The following ZNF91 variants were observed in gnomAD, a reference collection of about 807,000 sequenced individuals.
ZNF91 encodes zinc finger protein 91, also known as zinc finger protein 91 (HPF7, HTF10).
A neutral mutation model predicts 12.6 loss-of-function variants in ZNF91; 7 were observed. The ratio of observed to expected loss-of-function variants is 0.55; its 90% CI spans 0.31 to 1.04. ZNF91 has a LOEUF of 1.04. ZNF91 is among the 50% of genes least tolerant of loss of function. ZNF91 has a pLI of 0.05. For synonymous variants in ZNF91, 453 were observed against 462.6 expected, an observed-to-expected ratio of 0.98 and a Z score of 0.27; for missense variants, 1,217 against 1,385.4, an observed-to-expected ratio of 0.88 and a Z score of 1.93.
downstream of ZNF91, among the ~76,000 whole-genome samples, chr19:23,337,678 T>C (rs1265321524): frequency 1.3e-5 from 2 of 151,852 alleles, no homozygotes; most frequent in Admixed American, 1.3e-4. Flanking sequence ...TAAAATACTT[T>C]AAAAAGACTT....
At position 23,359,368 on chromosome 19, in the gene ZNF91, G is replaced by T; in HGVS notation, c.*35C>A. 1.4e-6 allele frequency: 1 copy of T among 718,688 alleles called. No homozygotes were observed. 44.5% of individuals were successfully genotyped at this position (718,688 alleles called of 1,614,324 possible). On this transcript the variant is annotated 3_prime_UTR_variant, in exon 4 of 4. Coordinates refer to ENST00000300619, the MANE Select transcript of ZNF91 (RefSeq NM_003430.4). ...CTCTCGCATAGCTGGGACTACAGGC[G>T]CCCGCCACCACGCCCGGCTAATTTT...
chr19:23,387,180 T>C (rs532426199), intron 1 of ZNF91, among the ~76,000 whole-genome samples: 6 of 152,368 alleles, frequency 3.9e-5, no homozygotes, highest in South Asian at 2.1e-4. Flanking sequence ...GGAATACTTA[T>C]ACATTGCTGT....
intron 3 of ZNF91, among the ~76,000 whole-genome samples, chr19:23,346,271 G>A (rs1001879337): frequency 2.6e-5 from 4 of 151,908 alleles, no homozygotes; most frequent in Admixed American, 6.6e-5. Flanking sequence ...CCCAGAAGAC[G>A]AGGACCGTAT....
At chr19:23,385,627 G>A (rs1001561495) in intron 1 of ZNF91, among the ~76,000 whole-genome samples, 1 of 152,146 alleles carries the variant, frequency 6.6e-6, no homozygotes, top group African/African-American at 2.4e-5. Flanking sequence ...GGCTGGACGT[G>A]TCACATTAGA....
At position 23,317,115 on chromosome 19, in the gene ZNF91, G is replaced by T. The variant is rs556048842; in HGVS notation, n.117-8018C>A. ...GGCTGGAGTGCAGTGGCGCGATCTT[G>T]GCTCACTGCAAGCTCCGCCTCCCGG... On this transcript the variant is annotated intron_variant and non_coding_transcript_variant, in intron 1 of 1. Transcript: ENST00000596528. Among the ~76,000 whole-genome samples the T allele has an allele frequency of 6.6e-5, 10 of 151,660 alleles. No individual in the cohort carries two copies. In the East Asian group the frequency reaches 1.9e-3, roughly 30 times the overall value.
At chr19:23,366,773 AAGGACTCTGC>A (rs1342204637) in intron 3 of ZNF91, among the ~76,000 whole-genome samples, 2 of 152,242 alleles carry the variant, frequency 1.3e-5, no homozygotes, top group East Asian at 3.8e-4. Flanking sequence ...AACTATTCAT[AAGGACTCTGC>A]CCCATGACCC....
chr19:23,371,913 G>A (rs1969292906), intron 3 of ZNF91, among the ~76,000 whole-genome samples: 1 of 152,110 alleles, frequency 6.6e-6, no homozygotes, highest in Non-Finnish European at 1.5e-5. Flanking sequence ...TAAAATTACT[G>A]TAATTCAAGT....
chr19:23,305,956 AG>A (rs1300450501), intron 3 of ZNF91, among the ~76,000 whole-genome samples: 1 of 152,248 alleles, frequency 6.6e-6, no homozygotes, highest in Non-Finnish European at 1.5e-5. Context: ...GAGCCAGAGA[AG>A]AGAAATAATT....
In ZNF91 at chr19:23,360,410, C is replaced by T. The variant is rs1568383315; in HGVS notation, c.2569G>A (p.Glu857Lys). 6 of 1,613,880 alleles carry T rather than the reference C, an allele frequency of 3.7e-6. No individual in the cohort carries two copies. Among genetic ancestry groups the T allele is most frequent in the African/African-American group, 1.3e-5 (1 of 74,904 alleles). ...TGATTAAAAGCTTTGCCACATTCCT[C>T]ACATTTGTAGAGTTTCTCTCCAGCA... ...IHAGEKLYKC[E>K]ECGKAFNQSS... is the part of the protein sequence containing the mutation. The change falls in exon 4 of 4, where the codon GAG becomes AAG. Residue 857 changes from glutamate (E) to lysine (K), a missense_variant. Glu to Lys is a moderately conservative substitution (Grantham distance 56, BLOSUM62 1). Transcript: ENST00000300619.
chr19:23,369,623 G>C (rs1969186227), intron 3 of ZNF91, among the ~76,000 whole-genome samples: 1 of 152,188 alleles, frequency 6.6e-6, no homozygotes, highest in Non-Finnish European at 1.5e-5. Context: ...TGTGTAGAAA[G>C]AAGTACACAC....
intron 3 of ZNF91, among the ~76,000 whole-genome samples, chr19:23,368,638 A>G (rs2145082302): frequency 6.6e-6 from 1 of 151,778 alleles, no homozygotes. Context: ...TGAGCAACAA[A>G]GAAAAAAACC....
intron 1 of ZNF91, among the ~76,000 whole-genome samples, chr19:23,378,934 G>A (rs199516743): frequency 6.6e-6 from 1 of 152,100 alleles, no homozygotes; most frequent in Admixed American, 6.6e-5. Context: ...CAAGTACCAG[G>A]GAACTAGAGA....
At chr19:23,382,376 T>A (rs928365583) in intron 1 of ZNF91, among the ~76,000 whole-genome samples, 14 of 152,142 alleles carry the variant, frequency 9.2e-5, no homozygotes, top group Non-Finnish European at 2.1e-4. Context: ...TTCAGATGAA[T>A]AAAGCATGTT....
At chr19:23,336,475 G>C (rs967405270), downstream of ZNF91, among the ~76,000 whole-genome samples, 4 of 152,180 alleles carry the variant, frequency 2.6e-5, no homozygotes, top group African/African-American at 9.7e-5. Flanking sequence ...TGCAAATGGA[G>C]CACTTGCCAG....
chr19:23,311,260 T>C (rs774659396), upstream of ZNF91, among the ~76,000 whole-genome samples: 1 of 152,168 alleles, frequency 6.6e-6, no homozygotes. Context: ...TTTGTATGTG[T>C]TGATGTGCGC....
intron 3 of ZNF91, among the ~76,000 whole-genome samples, chr19:23,373,453 T>C (rs1184981998): frequency 1.3e-5 from 2 of 149,084 alleles, no homozygotes; most frequent in Non-Finnish European, 1.5e-5. Context: ...AAATGTAAAA[T>C]GCAAAAAATT....
At chr19:23,356,479 C>G (rs867446971), downstream of ZNF91, among the ~76,000 whole-genome samples, 12 of 152,102 alleles carry the variant, frequency 7.9e-5, no homozygotes, top group South Asian at 1.7e-3. Context: ...GACTATTATT[C>G]TAAGAATGGT....
intron 3 of ZNF91, among the ~76,000 whole-genome samples, chr19:23,346,123 C>T (rs944528030): frequency 6.6e-6 from 1 of 152,190 alleles, no homozygotes; most frequent in African/African-American, 2.4e-5. Flanking sequence ...TTCTCCCTCA[C>T]TGATATCTCT....
intron 1 of ZNF91, among the ~76,000 whole-genome samples, chr19:23,318,180 A>G (rs1029353839): frequency 6.6e-6 from 1 of 152,168 alleles, no homozygotes; most frequent in Non-Finnish European, 1.5e-5. Flanking sequence ...GCATTGTGAC[A>G]CCCAAGTTAT....
Sources: gnomAD v4.1 joint callset for allele counts (sites outside exome capture counted in the v4.1 genomes callset) on GRCh38, gnomAD v4.1.1 for gene constraint, MANE v1.5 for transcripts, NCBI Gene and HGNC (gene_info 2026-07-23, HGNC 2026-07-21) for gene names.